Variants in KLHL4 observed in about 807,000 individuals in gnomAD.
KLHL4 encodes kelch-like protein 4.
In KLHL4, 17 loss-of-function variants were observed where a neutral mutation model predicts 45.8. That is an observed-to-expected ratio of 0.37 (90% CI 0.25 to 0.56). The LOEUF (loss-of-function observed/expected upper bound fraction) is 0.56. Ranked by LOEUF, KLHL4 falls within the 20% of genes least tolerant of loss-of-function variation. KLHL4 has a pLI of 0.79. For missense variants in KLHL4, 544 were observed against 544.9 expected (o/e 1.00, Z 0.02); for synonymous variants, 224 against 189.9 (o/e 1.18, Z -1.47).
At chrX:87,607,067 C>T in intron 1 of KLHL4, among the ~76,000 whole-genome samples, 1 of 111,595 alleles carries the variant, frequency 9.0e-6, no homozygotes, top group Non-Finnish European at 1.9e-5. Flanking sequence ...AGATGAATAA[C>T]CTGTTTATAC....
chrX:87,551,981 A>T (rs1463912329), intron 1 of KLHL4, among the ~76,000 whole-genome samples: 3 of 111,824 alleles, frequency 2.7e-5, no homozygotes, highest in South Asian at 7.3e-4. Flanking sequence ...TCTTCTAGAC[A>T]TTGGCTTAGG....
chrX:87,582,022 C>G (rs1921296907), intron 1 of KLHL4, among the ~76,000 whole-genome samples: 1 of 111,814 alleles, frequency 8.9e-6, no homozygotes, highest in African/African-American at 3.3e-5. Context: ...CATAACCAAC[C>G]TGATAGAGCT....
At chrX:87,610,864 A>G (rs1243920959) in intron 1 of KLHL4, among the ~76,000 whole-genome samples, 1 of 111,239 alleles carries the variant, frequency 9.0e-6, no homozygotes, top group Non-Finnish European at 1.9e-5. Context: ...TCTTGATACC[A>G]GGAGTTCGAG....
chrX:87,530,672 C>G (rs1193167360), intron 1 of KLHL4, among the ~76,000 whole-genome samples: 7 of 106,726 alleles, frequency 6.6e-5, no homozygotes, highest in East Asian at 3.0e-4. Context: ...GTCTATCATT[C>G]TTGGACATTT....
intron 9 of KLHL4, among the ~76,000 whole-genome samples, chrX:87,656,350 C>T (rs1390903413): frequency 9.1e-6 from 1 of 110,045 alleles, no homozygotes; most frequent in Non-Finnish European, 1.9e-5. Context: ...TACATAGTTC[C>T]ATACTTATCA....
In KLHL4 at chrX:87,632,341, G is replaced by A. The variant is rs770069239; in HGVS notation, c.1456G>A (p.Gly486Ser). The A allele has an allele frequency of 8.3e-7, 1 of 1,210,154 alleles. No individual in the cohort carries two copies. Among genetic ancestry groups the A allele is most frequent in the Non-Finnish European group, 1.1e-6 (1 of 894,392 alleles). Residue 486 changes from glycine to serine, a missense_variant, in exon 7 of 11, where the codon GGT (glycine) becomes AGT (serine). Gly to Ser is a moderately conservative substitution (Grantham distance 56). Transcript: ENST00000373119. Reference sequence around the variant, plus strand: ...GCTCTATGTCGTGGGAGGAAGAGACGGTTTAAAAACTTTGAATACAGTGGA... The same window carrying A: ...GCTCTATGTCGTGGGAGGAAGAGACAGTTTAAAAACTTTGAATACAGTGGA... Reference protein sequence around the residue: ...NKLYVVGGRDGLKTLNTVECF... With the variant: ...NKLYVVGGRDSLKTLNTVECF...
intron 6 of KLHL4, among the ~76,000 whole-genome samples, chrX:87,628,735 CT>C (rs1448002169): frequency 9.0e-6 from 1 of 111,475 alleles, no homozygotes; most frequent in Non-Finnish European, 1.9e-5. Flanking sequence ...AAAAATTTAA[CT>C]TTTATATTTT....
intron 8 of KLHL4, 135 bp from the exon 9 acceptor site, chrX:87,635,428 A>C: frequency 2.2e-6 from 1 of 445,272 alleles, no homozygotes; most frequent in Non-Finnish European, 3.8e-6. Flanking sequence ...GTGTAGGAGT[A>C]GAATATATAG....
In KLHL4 at chrX:87,656,737, T is replaced by A. The variant is rs189518981; in HGVS notation, c.1926-8027T>A. On this transcript the variant is annotated intron_variant, in intron 9 of 10. Transcript: ENST00000373119. ...AACTATTGCTAAAAAGTTAGTGCAATGCTTTAGGGTTATTATAACGCCCTG... is the reference window on the plus strand; with the variant it reads ...AACTATTGCTAAAAAGTTAGTGCAAAGCTTTAGGGTTATTATAACGCCCTG... 6.3e-3 allele frequency among the ~76,000 whole-genome samples: 705 copies of A among 111,175 alleles called. 4 individuals are homozygous for A. The highest frequency in any genetic ancestry group is 0.017 in the African/African-American group (534 of 30,656).
rs190477338 is a variant in KLHL4, at chrX:87,618,067, G to A, written c.863G>A (p.Arg288Gln). The change falls in exon 4 of 11, where the codon CGA (arginine) becomes CAA (glutamine). Residue 288 changes from arginine to glutamine, a missense_variant. By Grantham distance (43) the Arg-to-Gln change is conservative. Transcript: ENST00000373119. ...QLHPSNCLGIRSFGDAQGCTE... is the reference protein window; with the variant it reads ...QLHPSNCLGIQSFGDAQGCTE... ...CATCCTTCAAACTGCTTAGGGATTC[G>A]ATCATTTGGAGATGCCCAAGGCTGT... The A allele has an allele frequency of 1.2e-5, 15 of 1,208,985 alleles. No homozygotes were observed. Among genetic ancestry groups the A allele is most frequent in the East Asian group, 5.9e-5 (2 of 33,731 alleles).
At chrX:87,613,806 C>T in intron 1 of KLHL4, 71 bp from the exon 2 acceptor site, 2 of 807,544 alleles carry the variant, frequency 2.5e-6, no homozygotes, top group Non-Finnish European at 3.3e-6. Context: ...TTTGTACTCT[C>T]ATTAGAGAAA....
At chrX:87,581,161 C>T (rs932736981) in intron 1 of KLHL4, among the ~76,000 whole-genome samples, 2 of 112,222 alleles carry the variant, frequency 1.8e-5, no homozygotes, top group Admixed American at 9.4e-5. Flanking sequence ...GGTTTTCTCA[C>T]CCAGGGCTTC....
intron 1 of KLHL4, among the ~76,000 whole-genome samples, chrX:87,529,751 T>A (rs1239390573): frequency 1.8e-5 from 2 of 112,116 alleles, no homozygotes; most frequent in African/African-American, 6.5e-5. Flanking sequence ...CCATACTTTT[T>A]AAATTCCCTT....
intron 1 of KLHL4, among the ~76,000 whole-genome samples, chrX:87,531,432 T>C (rs962425399): frequency 1.8e-5 from 2 of 111,380 alleles, no homozygotes; most frequent in Non-Finnish European, 3.8e-5. Flanking sequence ...CCACCTTGAA[T>C]TGATTTTTGT....
At chrX:87,628,187 A>C (rs923797553) in intron 6 of KLHL4, among the ~76,000 whole-genome samples, 1 of 111,949 alleles carries the variant, frequency 8.9e-6, no homozygotes, top group Non-Finnish European at 1.9e-5. Flanking sequence ...ATAATGTTAC[A>C]ATAATGTTAC....
chrX:87,556,218 C>T (rs1033026282), intron 1 of KLHL4, among the ~76,000 whole-genome samples: 1 of 110,895 alleles, frequency 9.0e-6, no homozygotes, highest in African/African-American at 3.3e-5. Context: ...AAGACACATG[C>T]ACACGTATAT....
intron 1 of KLHL4, among the ~76,000 whole-genome samples, chrX:87,596,263 G>A (rs1315423940): frequency 8.9e-6 from 1 of 112,080 alleles, no homozygotes; most frequent in African/African-American, 3.2e-5. Context: ...ATTTTTTATA[G>A]CAAAGTGAGA....
chrX:87,582,499 G>T (rs1219119838), intron 1 of KLHL4, among the ~76,000 whole-genome samples: 4 of 111,917 alleles, frequency 3.6e-5, no homozygotes, highest in Non-Finnish European at 7.5e-5. Flanking sequence ...ATTTAAACCA[G>T]CCCTAGCCAG....
At chrX:87,625,380 C>A (rs946217946) in intron 5 of KLHL4, among the ~76,000 whole-genome samples, 1 of 111,755 alleles carries the variant, frequency 8.9e-6, no homozygotes, top group African/African-American at 3.3e-5. Flanking sequence ...CAGGCACATG[C>A]AACCACAACT....
Sources: gnomAD v4.1 joint callset for allele counts (sites outside exome capture counted in the v4.1 genomes callset) on GRCh38, gnomAD v4.1.1 for gene constraint, MANE v1.5 for transcripts, NCBI Gene and HGNC (gene_info 2026-07-23, HGNC 2026-07-21) for gene names.